ARHGEF10L: variants seen among roughly 807,000 people sequenced by gnomAD.
ARHGEF10L encodes rho guanine nucleotide exchange factor 10-like protein.
In ARHGEF10L, 69 loss-of-function variants were observed where a neutral mutation model predicts 141.2. The observed-to-expected ratio is 0.49, with a 90% CI of 0.40 to 0.60. The LOEUF is 0.60. Among genes scored for constraint, ARHGEF10L ranks in the 20% least tolerant of loss-of-function variants. The pLI, the probability that ARHGEF10L is intolerant of heterozygous loss-of-function variation, is 0.00. For missense variants in ARHGEF10L, 1,482 were observed against 1,734.3 expected (o/e 0.85, Z 2.58); for synonymous variants, 711 against 718.5 (o/e 0.99, Z 0.17).
At chr1:17,581,697 C>A (rs1186749629) in intron 2 of ARHGEF10L, among the ~76,000 whole-genome samples, 5 of 152,150 alleles carry the variant, frequency 3.3e-5, no homozygotes, top group Non-Finnish European at 7.3e-5. Context: ...GACAATGATA[C>A]CCTCTCCTGG....
chr1:17,603,465 C>A lies in ARHGEF10L; in HGVS notation c.350-43C>A. On this transcript the variant is annotated intron_variant, in intron 5 of 28. Coordinates refer to ENST00000361221, the MANE Select transcript of ARHGEF10L (RefSeq NM_018125.4). This position sits in a 1 kb window ranked among gnomAD's most constrained non-coding sequence, Gnocchi z 4.8. ...ATCTGCAGCACCTCTGGCCAGGCTGCCACAGCCCACGGTGGTGCTCTCTCT... is the reference window on the plus strand; with the variant it reads ...ATCTGCAGCACCTCTGGCCAGGCTGACACAGCCCACGGTGGTGCTCTCTCT... 6.4e-7 allele frequency: 1 copy of A among 1,564,642 alleles called. No homozygotes were observed. Among genetic ancestry groups the A allele is most frequent in the Non-Finnish European group, 8.8e-7 (1 of 1,141,396 alleles).
Position 17,687,834 on chromosome 1 carries a change from A to G in ARHGEF10L, c.3184+87A>G, listed in dbSNP as rs971093771. ...TGGTGTGACCTGGGCAGCCCATCCC[A>G]TTTTCCCTCATCAGCCCTGAAAACT... On this transcript the variant is annotated intron_variant, in intron 27 of 28. Transcript: ENST00000361221. The G allele has an allele frequency of 1.1e-5, 15 of 1,384,602 alleles. No individual in the cohort carries two copies. The African/African-American group carries it at 2.1e-4, about 19-fold the overall frequency. The allele number at this position is 1,384,602 out of a possible 1,614,324, so 85.8% of individuals were successfully genotyped here. A position where few individuals can be genotyped will look rare whatever the true frequency, so the allele number is the denominator to read the frequency against.
chr1:17,651,901 A>G (rs2061958945), intron 22 of ARHGEF10L, among the ~76,000 whole-genome samples: 1 of 152,064 alleles, frequency 6.6e-6, no homozygotes, highest in South Asian at 2.1e-4. Flanking sequence ...CCCCACCACC[A>G]GTCCAGACAA....
chr1:17,616,237 C>T, intron 9 of ARHGEF10L, 35 bp downstream of exon 9: 1 of 1,415,990 alleles, frequency 7.1e-7, no homozygotes, highest in Admixed American at 1.7e-5. Flanking sequence ...GTCTGGTGCC[C>T]AGCTCTGACT....
At chr1:17,543,079 GTTC>G (rs1358623209) in intron 1 of ARHGEF10L, among the ~76,000 whole-genome samples, 3 of 152,286 alleles carry the variant, frequency 2.0e-5, no homozygotes, top group Admixed American at 6.5e-5. Context: ...GTCCCAGAGA[GTTC>G]TTCTTCTCTC....
chr1:17,517,387 A>G, the ARHGEF10L span, among the ~76,000 whole-genome samples: 2 of 150,968 alleles, frequency 1.3e-5, no homozygotes, highest in South Asian at 4.2e-4. Context: ...TGGAGTGCGC[A>G]GTGGTGCAAT....
rs549404306 is a variant in ARHGEF10L, at chr1:17,655,945, C to A, written c.2548C>A (p.Arg850Ser). Residue 850 changes from arginine (R) to serine (S), a missense_variant, in exon 24 of 29, where the codon CGC becomes AGC. Coordinates refer to ENST00000361221, the MANE Select transcript of ARHGEF10L (RefSeq NM_018125.4). ...EIFSLNRPSP[R>S]TVKSFPLAAP... ...CTTTTCCTTGAACCGGCCCTCGCCCCGCACCGTCAAGTCCTTCCCACTGGC... is the reference window on the plus strand; with the variant it reads ...CTTTTCCTTGAACCGGCCCTCGCCCAGCACCGTCAAGTCCTTCCCACTGGC... 1.3e-6 allele frequency: 2 copies of A among 1,560,242 alleles called. No homozygotes were observed. Among genetic ancestry groups the A allele is most frequent in the Non-Finnish European group, 8.7e-7 (1 of 1,151,710 alleles).
At chr1:17,542,523 C>T (rs1341450973) in intron 1 of ARHGEF10L, among the ~76,000 whole-genome samples, 2 of 152,130 alleles carry the variant, frequency 1.3e-5, no homozygotes, top group Admixed American at 6.5e-5. Context: ...ATAGTATATG[C>T]TGAGTGCCAG....
chr1:17,649,776 T>G (rs2061808197), intron 22 of ARHGEF10L, among the ~76,000 whole-genome samples: 1 of 152,024 alleles, frequency 6.6e-6, no homozygotes, highest in South Asian at 2.1e-4. Flanking sequence ...GATGGCCTCT[T>G]GGAGGAGGTG....
chr1:17,622,131 C>T (rs928888314), intron 11 of ARHGEF10L, among the ~76,000 whole-genome samples, 190 bp downstream of exon 11: 27 of 152,094 alleles, frequency 1.8e-4, no homozygotes, highest in African/African-American at 5.3e-4. Flanking sequence ...CTGGTGTTCA[C>T]GGGAGTGACT....
At chr1:17,687,471 C>A in intron 26 of ARHGEF10L, 102 bp from the exon 27 acceptor site, 2 of 1,346,216 alleles carry the variant, frequency 1.5e-6, no homozygotes, top group Non-Finnish European at 2.1e-6. Flanking sequence ...GTAGCTTGAG[C>A]TTTTGAAGAA....
At chr1:17,542,012 G>A (rs996241638) in intron 1 of ARHGEF10L, among the ~76,000 whole-genome samples, 21 of 152,092 alleles carry the variant, frequency 1.4e-4, no homozygotes, top group African/African-American at 4.8e-4. Context: ...GGTGGTGCAC[G>A]TCTGTAATCC....
chr1:17,602,306 C>G, intron 5 of ARHGEF10L, 88 bp downstream of exon 5: 7 of 1,430,818 alleles, frequency 4.9e-6, no homozygotes, highest in Non-Finnish European at 5.7e-6. Context: ...CTGATGTGGG[C>G]TCCTGTGAGC....
At chr1:17,655,213 T>C (rs1461948219) in intron 23 of ARHGEF10L, among the ~76,000 whole-genome samples, 1 of 152,210 alleles carries the variant, frequency 6.6e-6, no homozygotes, top group East Asian at 1.9e-4. Context: ...TTGTTCCTCA[T>C]CATTTCCCAT....
intron 4 of ARHGEF10L, among the ~76,000 whole-genome samples, chr1:17,588,849 A>AGT (rs57719075): frequency 0.09 from 1,840 of 20,346 alleles, 193 homozygotes; most frequent in Non-Finnish European, 0.12. Flanking sequence ...GAGGGTCCCC[A>AGT]GTGTGTGTGT....
At chr1:17,566,564 C>T (rs2077763997) in intron 1 of ARHGEF10L, among the ~76,000 whole-genome samples, 1 of 152,218 alleles carries the variant, frequency 6.6e-6, no homozygotes, top group African/African-American at 2.4e-5. Flanking sequence ...GCCCAGGCCA[C>T]AGAGAAGCAG....
At chr1:17,578,302 A>T (rs1228712675) in intron 1 of ARHGEF10L, among the ~76,000 whole-genome samples, 1 of 152,140 alleles carries the variant, frequency 6.6e-6, no homozygotes, top group African/African-American at 2.4e-5. Context: ...TCCTTTGCTG[A>T]AGTAAAAGTT....
intron 27 of ARHGEF10L, chr1:17,689,786 G>C (rs765890809): frequency 2.2e-5 from 10 of 455,726 alleles, no homozygotes; most frequent in South Asian, 1.6e-4. Context: ...ATAATCTCAT[G>C]GGCTTTTAAA....
chr1:17,551,488 G>A (rs1367549416), intron 1 of ARHGEF10L, among the ~76,000 whole-genome samples: 1 of 152,170 alleles, frequency 6.6e-6, no homozygotes, highest in East Asian at 1.9e-4. Context: ...GGGTGCAGGA[G>A]GGTGCTGCTC....
Sources: allele counts gnomAD v4.1 joint callset (sites outside exome capture counted in the v4.1 genomes callset), GRCh38; gene constraint gnomAD v4.1.1; non-coding constraint Gnocchi (gnomAD v3.1); transcripts MANE v1.5; gene names NCBI Gene and HGNC (gene_info 2026-07-23, HGNC 2026-07-21).